LARS2: variants seen among roughly 807,000 people sequenced by gnomAD.
LARS2 encodes the protein leucine--tRNA ligase, mitochondrial.
LARS2 carries 81 observed loss-of-function variants against 116.6 expected under a neutral mutation model. The observed-to-expected ratio is 0.69, with a 90% CI of 0.58 to 0.84. The LOEUF is 0.84. LARS2 is among the 40% of genes least tolerant of loss of function. LARS2 has a pLI of 0.00. For synonymous variants in LARS2, 396 were observed against 407.2 expected, an observed-to-expected ratio of 0.97 and a Z score of 0.33; for missense variants, 968 against 1,114.5, an observed-to-expected ratio of 0.87 and a Z score of 1.87.
intron 8 of LARS2, among the ~76,000 whole-genome samples, chr3:45,459,540 G>A (rs1205113598): frequency 6.6e-6 from 1 of 152,226 alleles, no homozygotes; most frequent in Admixed American, 6.5e-5. Context: ...TCTTTAAGGT[G>A]CCTTCTAGCT....
At chr3:45,401,160 A>G (rs770370603) in intron 4 of LARS2, among the ~76,000 whole-genome samples, 4 of 152,196 alleles carry the variant, frequency 2.6e-5, no homozygotes, top group Non-Finnish European at 5.9e-5. Context: ...TTAAGAAAAG[A>G]TATTTGGGGA....
At chr3:45,460,391 C>T (rs1699296137) in intron 8 of LARS2, among the ~76,000 whole-genome samples, 1 of 152,212 alleles carries the variant, frequency 6.6e-6, no homozygotes, top group African/African-American at 2.4e-5. Context: ...CCTCTTGGAC[C>T]TGTCAGATGA....
chr3:45,463,849 G>T (rs1357222870), intron 8 of LARS2, among the ~76,000 whole-genome samples: 1 of 152,124 alleles, frequency 6.6e-6, no homozygotes, highest in Non-Finnish European at 1.5e-5. Context: ...AGACGAGGAG[G>T]AGGAGGAGCC....
At chr3:45,445,272 A>G (rs1459026706) in intron 6 of LARS2, among the ~76,000 whole-genome samples, 1 of 152,230 alleles carries the variant, frequency 6.6e-6, no homozygotes, top group Non-Finnish European at 1.5e-5. Flanking sequence ...AATAGACCAA[A>G]CATAGCTCCT....
chr3:45,394,729 T>TTG, intron 3 of LARS2, 42 bp downstream of exon 3: 1 of 1,417,546 alleles, frequency 7.1e-7, no homozygotes, highest in Non-Finnish European at 1.0e-6. Flanking sequence ...AGAAGAGGGG[T>TTG]TGAAGGTTTG....
At position 45,514,246 on chromosome 3, in the gene LARS2, A is replaced by G. The variant is rs149881031; in HGVS notation, c.1861+1011A>G. Reference sequence around the variant, plus strand: ...AGAAAGAAAACAGTTGGAGACATGCAGTATACATAGGGACAGCTGTGAGAA... The same window carrying G: ...AGAAAGAAAACAGTTGGAGACATGCGGTATACATAGGGACAGCTGTGAGAA... On this transcript the variant is annotated intron_variant, in intron 16 of 21. Coordinates refer to ENST00000645846, the MANE Select transcript of LARS2 (RefSeq NM_015340.4). Among the ~76,000 whole-genome samples the G allele has an allele frequency of 2.6e-3, 392 of 152,150 alleles. 1 individual carries two copies. Among genetic ancestry groups the G allele is most frequent in the African/African-American group, 9.0e-3 (374 of 41,516 alleles).
rs1444793220 is a variant in LARS2, at chr3:45,516,267, G to A, written c.2035G>A (p.Asp679Asn). ...AAPPEKDILW[D>N]VKTDALPGVL... ...CCCTCCTGAGAAGGATATCTTGTGG[G>A]ATGTGAAAAGTAAGTCACCTTCCTC... Residue 679 changes from aspartate (D) to asparagine (N), a missense_variant, in exon 17 of 22, where the codon GAT becomes AAT. Coordinates refer to ENST00000645846, the MANE Select transcript of LARS2 (RefSeq NM_015340.4). The A allele has an allele frequency of 6.2e-7, 1 of 1,612,954 alleles. No individual in the cohort carries two copies. Among genetic ancestry groups the A allele is most frequent in the African/African-American group, 1.3e-5 (1 of 75,012 alleles).
chr3:45,457,286 C>T (rs889662621), intron 7 of LARS2, among the ~76,000 whole-genome samples: 5 of 152,174 alleles, frequency 3.3e-5, no homozygotes, highest in South Asian at 4.1e-4. Context: ...GAATGCAGGT[C>T]GCAGAGGTCA....
In LARS2 at chr3:45,476,455, T is replaced by G; in HGVS notation, c.859-13T>G. ...GACTGAGAAATGACATCACTCTTCT[T>G]TCCTATCACCAGGTTCATGGGCAAG... On this transcript the variant is annotated splice_polypyrimidine_tract_variant and intron_variant, in intron 9 of 21. Coordinates refer to ENST00000645846, the MANE Select transcript of LARS2 (RefSeq NM_015340.4). The G allele has an allele frequency of 6.2e-7, 1 of 1,614,078 alleles. No individual in the cohort carries two copies. The highest frequency in any genetic ancestry group is 8.5e-7 in the Non-Finnish European group (1 of 1,179,950).
At chr3:45,481,091 A>G (rs1005400741) in intron 10 of LARS2, among the ~76,000 whole-genome samples, 1 of 152,300 alleles carries the variant, frequency 6.6e-6, no homozygotes, top group Admixed American at 6.5e-5. Flanking sequence ...CTAATCTGCC[A>G]TCTGTCTCTG....
At chr3:45,517,776 A>G (rs1387634850) in intron 17 of LARS2, 127 bp from the exon 18 acceptor site, 1 of 688,494 alleles carries the variant, frequency 1.5e-6, no homozygotes, top group African/African-American at 1.8e-5. Flanking sequence ...CTGCCCTCAG[A>G]GGAATCCATC....
intron 7 of LARS2, 44 bp from the exon 8 acceptor site, chr3:45,458,698 AG>A (rs1559475784): frequency 5.0e-6 from 8 of 1,595,914 alleles, no homozygotes; most frequent in South Asian, 4.5e-5. Context: ...AAAAAAAAAA[AG>A]AGTACTCACC....
rs1426690022 is a variant in LARS2, at chr3:45,491,500, T to C, written c.1240-17T>C. On this transcript the variant is annotated splice_polypyrimidine_tract_variant and intron_variant, in intron 12 of 21. Coordinates refer to ENST00000645846, the MANE Select transcript of LARS2 (RefSeq NM_015340.4). The stretch of plus-strand genomic sequence containing the variant: ...GCTATGCGGAGAGGAGTGAGCTTTC[T>C]TTTCTTTCCCTGTCAGTTCACAGGT... The C allele has an allele frequency of 6.2e-7, 1 of 1,611,836 alleles. No individual in the cohort carries two copies. The highest frequency in any genetic ancestry group is 2.2e-5 in the East Asian group (1 of 44,806).
At chr3:45,452,482 A>G (rs1277204193) in intron 7 of LARS2, among the ~76,000 whole-genome samples, 1 of 152,010 alleles carries the variant, frequency 6.6e-6, no homozygotes, top group Non-Finnish European at 1.5e-5. Context: ...GTCGTATGAC[A>G]TGATATTTAT....
intron 10 of LARS2, among the ~76,000 whole-genome samples, chr3:45,482,149 T>C (rs1254584000): frequency 6.6e-6 from 1 of 152,238 alleles, no homozygotes; most frequent in Non-Finnish European, 1.5e-5. Flanking sequence ...TCACTTAATA[T>C]GCTATCAGAA....
chr3:45,428,524 C>T (rs957066427), intron 6 of LARS2, among the ~76,000 whole-genome samples: 18 of 152,254 alleles, frequency 1.2e-4, no homozygotes, highest in African/African-American at 3.4e-4. Flanking sequence ...GGATTACAGG[C>T]GTGAGCCACC....
At chr3:45,505,521 TAA>T (rs557290154) in intron 15 of LARS2, among the ~76,000 whole-genome samples, 11 of 140,854 alleles carry the variant, frequency 7.8e-5, no homozygotes, top group Admixed American at 2.9e-4. Flanking sequence ...CTCCATCTGT[TAA>T]AAAAAAAAAA....
chr3:45,440,181 A>C (rs1698881110), intron 6 of LARS2, among the ~76,000 whole-genome samples: 3 of 152,172 alleles, frequency 2.0e-5, no homozygotes, highest in African/African-American at 7.2e-5. Context: ...GAATCATCTG[A>C]TGTAGCCTGG....
At chr3:45,538,209 G>C (rs1247836491) in intron 20 of LARS2, 1 of 152,188 alleles carries the variant, frequency 6.6e-6, no homozygotes, top group African/African-American at 2.4e-5. Flanking sequence ...TGGAAATGTT[G>C]GCAGGGGCCC....
Sources: gnomAD v4.1 joint callset for allele counts (sites outside exome capture counted in the v4.1 genomes callset) on GRCh38, gnomAD v4.1.1 for gene constraint, MANE v1.5 for transcripts, NCBI Gene and HGNC (gene_info 2026-07-23, HGNC 2026-07-21) for gene names.